The following ADGRL3 variants were observed in gnomAD, a reference collection of about 807,000 sequenced individuals.
ADGRL3 encodes adhesion G protein-coupled receptor L3.
A neutral mutation model predicts 153.5 loss-of-function variants in ADGRL3; 62 were observed. That is an observed-to-expected ratio of 0.40 (90% CI 0.33 to 0.50). The LOEUF is 0.50. Among genes scored for constraint, ADGRL3 ranks in the 20% least tolerant of loss-of-function variants. ADGRL3 has a pLI of 0.47. For missense variants in ADGRL3, 1,641 were observed against 1,859.4 expected (o/e 0.88, Z 2.16); for synonymous variants, 710 against 672.5 (o/e 1.06, Z -0.86).
intron 1 of ADGRL3, among the ~76,000 whole-genome samples, chr4:61,374,123 G>A (rs1397888574): frequency 6.6e-6 from 1 of 152,080 alleles, no homozygotes; most frequent in African/African-American, 2.4e-5. Flanking sequence ...TCTTGTTTGG[G>A]TGGGTGTGGG....
intron 21 of ADGRL3, among the ~76,000 whole-genome samples, chr4:62,011,397 G>A (rs1190796572): frequency 6.6e-6 from 1 of 152,054 alleles, no homozygotes; most frequent in Non-Finnish European, 1.5e-5. Flanking sequence ...AAACTGAGGA[G>A]AGCTTAGCAA....
intron 5 of ADGRL3, among the ~76,000 whole-genome samples, chr4:61,672,996 A>T (rs769763619): frequency 1.3e-5 from 2 of 152,046 alleles, no homozygotes; most frequent in Non-Finnish European, 1.5e-5. Flanking sequence ...AATATTATTC[A>T]GCCTTAAAAA....
At position 61,790,702 on chromosome 4, in the gene ADGRL3, C is replaced by T. The variant is rs183571607; in HGVS notation, c.1400-23107C>T. 2.6e-5 allele frequency among the ~76,000 whole-genome samples: 4 copies of T among 152,274 alleles called. No homozygotes were observed. In the East Asian group the frequency reaches 7.7e-4, roughly 29 times the overall value. ...AGTTTAGGTTCTGTATTAGACTGTT[C>T]TCATGCTGCTGATAAAGACATACCC... On this transcript the variant is annotated intron_variant, in intron 8 of 26. Transcript: ENST00000683033.
At chr4:61,515,597 T>A (rs2098488532) in intron 3 of ADGRL3, among the ~76,000 whole-genome samples, 1 of 152,134 alleles carries the variant, frequency 6.6e-6, no homozygotes, top group African/African-American at 2.4e-5. Context: ...GTTGAATGAA[T>A]GAAAAAATAA....
intron 9 of ADGRL3, among the ~76,000 whole-genome samples, chr4:61,844,578 ATATATAT>A (rs2098090264): frequency 1.1e-5 from 1 of 93,508 alleles, no homozygotes; most frequent in Non-Finnish European, 2.2e-5. Context: ...AAAAAAAAAT[ATATATAT>A]ATATATATAT....
At chr4:61,299,138 A>C (rs372176106) in intron 1 of ADGRL3, among the ~76,000 whole-genome samples, 10 of 151,986 alleles carry the variant, frequency 6.6e-5, no homozygotes, top group African/African-American at 2.2e-4. Context: ...TTCTCTCTAC[A>C]TGCCCGCCGT....
chr4:61,435,888 AT>A, intron 2 of ADGRL3, among the ~76,000 whole-genome samples: 1 of 151,230 alleles, frequency 6.6e-6, no homozygotes, highest in Middle Eastern at 3.4e-3. Context: ...TCTCAGTTTC[AT>A]TTTTAGTTAG....
intron 1 of ADGRL3, among the ~76,000 whole-genome samples, chr4:61,292,058 G>A (rs1377345161): frequency 1.3e-5 from 2 of 151,412 alleles, no homozygotes; most frequent in African/African-American, 4.9e-5. Context: ...GAGAACAAAT[G>A]AGATGGAAAC....
At chr4:61,453,163 G>T (rs2097694798) in intron 2 of ADGRL3, among the ~76,000 whole-genome samples, 1 of 152,068 alleles carries the variant, frequency 6.6e-6, no homozygotes, top group South Asian at 2.1e-4. Flanking sequence ...GAAACATTTT[G>T]AATGTCTGAA....
At chr4:61,424,925 T>C (rs1001180481) in intron 2 of ADGRL3, among the ~76,000 whole-genome samples, 1 of 152,116 alleles carries the variant, frequency 6.6e-6, no homozygotes, top group African/African-American at 2.4e-5. Flanking sequence ...TGTGGGCATC[T>C]AGGCAATGTG....
At chr4:61,714,488 C>G (rs1481411718) in intron 6 of ADGRL3, among the ~76,000 whole-genome samples, 10 of 152,116 alleles carry the variant, frequency 6.6e-5, no homozygotes, top group Non-Finnish European at 2.9e-5. Flanking sequence ...GCACGCAGGC[C>G]TACCTCAGCT....
At chr4:61,842,700 C>T (rs1027535136) in intron 9 of ADGRL3, among the ~76,000 whole-genome samples, 3 of 152,170 alleles carry the variant, frequency 2.0e-5, no homozygotes, top group African/African-American at 7.2e-5. Flanking sequence ...TAAAGTCCAT[C>T]AGGTTTGTTG....
intron 2 of ADGRL3, among the ~76,000 whole-genome samples, chr4:61,405,365 A>G (rs1428389236): frequency 6.6e-6 from 1 of 152,014 alleles, no homozygotes; most frequent in Non-Finnish European, 1.5e-5. Flanking sequence ...AACAGGTATT[A>G]TTTGTAGATG....
intron 25 of ADGRL3, among the ~76,000 whole-genome samples, chr4:62,067,754 T>G (rs1409229020): frequency 6.6e-6 from 1 of 152,024 alleles, no homozygotes; most frequent in Non-Finnish European, 1.5e-5. Context: ...AAATTTAAAA[T>G]TAAATAACAT....
At chr4:61,657,438 T>C (rs2150504916) in intron 5 of ADGRL3, among the ~76,000 whole-genome samples, 1 of 152,280 alleles carries the variant, frequency 6.6e-6, no homozygotes. Flanking sequence ...TCATTTCATA[T>C]GTTCAAAATA....
chr4:61,707,589 T>C (rs1009505308), intron 6 of ADGRL3, among the ~76,000 whole-genome samples: 7 of 152,246 alleles, frequency 4.6e-5, no homozygotes, highest in Admixed American at 4.6e-4. Flanking sequence ...AAGGTTATGT[T>C]AGATTAATTT....
intron 4 of ADGRL3, among the ~76,000 whole-genome samples, chr4:61,573,555 A>G (rs1198753957): frequency 6.6e-6 from 1 of 151,934 alleles, no homozygotes; most frequent in Non-Finnish European, 1.5e-5. Flanking sequence ...AATGTGATGT[A>G]ACAGTTTTTT....
rs1735148381 is a variant in ADGRL3, at chr4:61,202,414, C to T, written c.-240+649C>T. Among the ~76,000 whole-genome samples the T allele has an allele frequency of 6.6e-6, 1 of 152,194 alleles. No individual in the cohort carries two copies. Among genetic ancestry groups the T allele is most frequent in the Admixed American group, 6.5e-5 (1 of 15,286 alleles). ...CTCCTTCACGGCAGTTTGGTTTAGA[C>T]CTGCGTGCCCAGGCTTTGTTAGGCG... On this transcript the variant is annotated intron_variant, in intron 1 of 26. Coordinates refer to ENST00000683033, the MANE Select transcript of ADGRL3 (RefSeq NM_001387552.1). The surrounding 1 kb of genome is among the most constrained non-coding windows in gnomAD (Gnocchi z 5.0).
At chr4:61,216,716 G>A (rs1742965402) in intron 1 of ADGRL3, among the ~76,000 whole-genome samples, 1 of 152,024 alleles carries the variant, frequency 6.6e-6, no homozygotes, top group Non-Finnish European at 1.5e-5. Flanking sequence ...AAAAGTAGAG[G>A]GCAAAGGAGT....
Sources: gnomAD v4.1 joint callset for allele counts (sites outside exome capture counted in the v4.1 genomes callset) on GRCh38, gnomAD v4.1.1 for gene constraint, Gnocchi (gnomAD v3.1) non-coding constraint, MANE v1.5 for transcripts, NCBI Gene and HGNC (gene_info 2026-07-23, HGNC 2026-07-21) for gene names.